The following UBASH3B variants were observed in gnomAD, a reference collection of about 807,000 sequenced individuals.
The protein encoded by UBASH3B is ubiquitin-associated and SH3 domain-containing protein B.
A neutral mutation model predicts 83.4 loss-of-function variants in UBASH3B; 37 were observed. The ratio of observed to expected loss-of-function variants is 0.44; its 90% CI spans 0.34 to 0.58. The LOEUF (loss-of-function observed/expected upper bound fraction) is 0.58. UBASH3B is among the 20% of genes least tolerant of loss of function. UBASH3B has a pLI of 0.01. For synonymous variants in UBASH3B, 304 were observed against 318.3 expected (o/e 0.96, Z 0.48); for missense variants, 657 against 827.2 (o/e 0.79, Z 2.52).
chr11:122,733,095 C>G (rs190870254), intron 1 of UBASH3B, among the ~76,000 whole-genome samples: 1 of 152,170 alleles, frequency 6.6e-6, no homozygotes, highest in Non-Finnish European at 1.5e-5. Flanking sequence ...AGACTCGAAG[C>G]CTTTGTGCTA....
At chr11:122,734,920 G>C (rs1308448427) in intron 1 of UBASH3B, among the ~76,000 whole-genome samples, 1 of 143,424 alleles carries the variant, frequency 7.0e-6, no homozygotes, top group Non-Finnish European at 1.6e-5. Context: ...GCTCTTTATG[G>C]CTTTCCTTAT....
chr11:122,809,845 A>G lies in UBASH3B; in HGVS notation c.1909A>G (p.Thr637Ala). The stretch of plus-strand genomic sequence containing the variant: ...AATCCTTCCTCTTACCCATGGACCA[A>G]CTGGGGGCTTCAACTGGAGAGAGAC... ...PPILPLTHGP[T>A]GGFNWRETLL... The change falls in exon 14 of 14, where the codon ACT becomes GCT. Residue 637 changes from threonine (T) to alanine (A), a missense_variant. This residue lies in a region of UBASH3B where 573 missense variants were observed against 739.0 expected (regional missense o/e 0.78). Coordinates refer to ENST00000284273, the MANE Select transcript of UBASH3B (RefSeq NM_032873.5). 1 of 1,614,188 alleles carries G rather than the reference A, an allele frequency of 6.2e-7. No individual in the cohort carries two copies. Among genetic ancestry groups the G allele is most frequent in the South Asian group, 1.1e-5 (1 of 91,086 alleles).
chr11:122,724,975 CAG>C (rs1860706767), intron 1 of UBASH3B, among the ~76,000 whole-genome samples: 1 of 152,028 alleles, frequency 6.6e-6, no homozygotes, highest in Non-Finnish European at 1.5e-5. Context: ...ATTTTTGAGA[CAG>C]AGTCTTGCTC....
intron 1 of UBASH3B, among the ~76,000 whole-genome samples, chr11:122,656,637 G>A (rs1270356756): frequency 1.3e-5 from 2 of 152,214 alleles, no homozygotes; most frequent in Non-Finnish European, 2.9e-5. Context: ...GGATCCTCCG[G>A]TGTCTGGGAA....
intron 1 of UBASH3B, among the ~76,000 whole-genome samples, chr11:122,668,139 C>A (rs1003241722): frequency 1.3e-5 from 2 of 152,152 alleles, no homozygotes; most frequent in African/African-American, 2.4e-5. Context: ...GCGCCTGCCA[C>A]CATACCAGGC....
intron 1 of UBASH3B, among the ~76,000 whole-genome samples, chr11:122,683,618 AAT>A (rs1491016173): frequency 9.4e-5 from 11 of 116,424 alleles, no homozygotes; most frequent in African/African-American, 2.9e-4. Flanking sequence ...AAAAAAAAAA[AAT>A]AATAATAATA....
chr11:122,753,313 T>C (rs1351786167), intron 1 of UBASH3B, among the ~76,000 whole-genome samples: 2 of 151,382 alleles, frequency 1.3e-5, no homozygotes, highest in Non-Finnish European at 2.9e-5. Flanking sequence ...TAGATGGGTG[T>C]GGTTTCGTGT....
At chr11:122,755,161 A>G (rs1417101264) in intron 1 of UBASH3B, among the ~76,000 whole-genome samples, 3 of 152,108 alleles carry the variant, frequency 2.0e-5, no homozygotes, top group African/African-American at 2.4e-5. Flanking sequence ...GTGGGTTTCA[A>G]TGATGCCCCA....
At chr11:122,677,285 A>T (rs147187662) in intron 1 of UBASH3B, among the ~76,000 whole-genome samples, 182 of 152,328 alleles carry the variant, frequency 1.2e-3, no homozygotes, top group African/African-American at 4.2e-3. Flanking sequence ...GGATTTCGAT[A>T]TCTGAGGGAG....
chr11:122,687,969 G>C (rs1166840126), intron 1 of UBASH3B, among the ~76,000 whole-genome samples: 1 of 152,126 alleles, frequency 6.6e-6, no homozygotes, highest in African/African-American at 2.4e-5. Flanking sequence ...TTTATTAAGT[G>C]GTTTTATTTT....
chr11:122,705,954 G>A (rs1334071656), intron 1 of UBASH3B, among the ~76,000 whole-genome samples: 1 of 152,100 alleles, frequency 6.6e-6, no homozygotes, highest in African/African-American at 2.4e-5. Context: ...CACTCCACAA[G>A]TCACACGGAG....
At chr11:122,794,160 T>C (rs1861109800) in intron 6 of UBASH3B, among the ~76,000 whole-genome samples, 2 of 152,184 alleles carry the variant, frequency 1.3e-5, no homozygotes, top group African/African-American at 4.8e-5. Flanking sequence ...ATATCTGTCC[T>C]CAGTGCAGAA....
At chr11:122,770,815 G>A (rs1330412957) in intron 1 of UBASH3B, among the ~76,000 whole-genome samples, 1 of 152,098 alleles carries the variant, frequency 6.6e-6, no homozygotes, top group Admixed American at 6.6e-5. Flanking sequence ...GTCAACCATC[G>A]AAACATCATT....
At chr11:122,677,455 G>A (rs542300264) in intron 1 of UBASH3B, among the ~76,000 whole-genome samples, 2 of 152,228 alleles carry the variant, frequency 1.3e-5, no homozygotes, top group East Asian at 3.9e-4. Flanking sequence ...CGTCTGTGCT[G>A]CCCTGGAACA....
Position 122,758,488 on chromosome 11 carries a change from C to T in UBASH3B, c.162-17731C>T, listed in dbSNP as rs867698022. 3.9e-5 allele frequency among the ~76,000 whole-genome samples: 6 copies of T among 152,114 alleles called. 1 individual carries two copies. The highest frequency in any genetic ancestry group is 2.1e-4 in the South Asian group (1 of 4,826). On this transcript the variant is annotated intron_variant, in intron 1 of 13. Transcript: ENST00000284273. The surrounding 1 kb of genome is among the most constrained non-coding windows in gnomAD (Gnocchi z 4.2). The stretch of plus-strand genomic sequence containing the variant: ...CAGACAGGCCTAGCCTGCTTAGAGT[C>T]GGGACAGCTGGAAAGGGCAGTCAGT...
chr11:122,712,783 A>G (rs1291891725), intron 1 of UBASH3B, among the ~76,000 whole-genome samples: 4 of 151,704 alleles, frequency 2.6e-5, no homozygotes, highest in Non-Finnish European at 5.9e-5. Context: ...TTACATTTGC[A>G]GGAGAAGAGG....
At chr11:122,692,577 G>A (rs1863909414) in intron 1 of UBASH3B, among the ~76,000 whole-genome samples, 2 of 152,172 alleles carry the variant, frequency 1.3e-5, no homozygotes, top group South Asian at 2.1e-4. Flanking sequence ...AATGGGCCCC[G>A]TGAGCCTTCT....
chr11:122,733,876 C>T (rs1324747705), intron 1 of UBASH3B, among the ~76,000 whole-genome samples: 1 of 152,022 alleles, frequency 6.6e-6, no homozygotes, highest in Admixed American at 6.6e-5. Context: ...AATTTAATGT[C>T]TCCTCTCTTT....
rs183489983 is a variant in UBASH3B, at chr11:122,813,094, T to C, written c.*3208T>C. The C allele has an allele frequency of 2.0e-5, 3 of 152,698 alleles. No individual in the cohort carries two copies. Among genetic ancestry groups the C allele is most frequent in the East Asian group, 3.9e-4 (2 of 5,192 alleles). 9.5% of individuals were successfully genotyped at this position (152,698 alleles called of 1,614,324 possible). A position where few individuals can be genotyped will look rare whatever the true frequency, so the allele number is the denominator to read the frequency against. On this transcript the variant is annotated 3_prime_UTR_variant, in exon 14 of 14. Transcript: ENST00000284273. ...AGTAACCTTATATTTAAAAGATGAT[T>C]TTGCAAAAAATAAAAAATAAAAAAT... is the stretch of plus-strand genomic sequence containing the variant.
Sources: gnomAD v4.1 joint callset for allele counts (sites outside exome capture counted in the v4.1 genomes callset) on GRCh38, gnomAD v4.1.1 for gene constraint, gnomAD v4.1.1 regional missense constraint, Gnocchi (gnomAD v3.1) non-coding constraint, MANE v1.5 for transcripts, NCBI Gene and HGNC (gene_info 2026-07-23, HGNC 2026-07-21) for gene names.